The following INPP5D variants were observed in gnomAD, a reference collection of about 807,000 sequenced individuals.
The protein encoded by INPP5D is phosphatidylinositol 3,4,5-trisphosphate 5-phosphatase 1.
A neutral mutation model predicts 122.9 loss-of-function variants in INPP5D; 33 were observed. That is an observed-to-expected ratio of 0.27 (90% CI 0.20 to 0.36). INPP5D has a LOEUF of 0.36. Ranked by LOEUF, INPP5D falls within the 10% of genes least tolerant of loss-of-function variation. The pLI, the probability that INPP5D is intolerant of heterozygous loss-of-function variation, is 1.00. For missense variants in INPP5D, 1,053 were observed against 1,412.7 expected (o/e 0.75, Z 4.08); for synonymous variants, 584 against 576.2 (o/e 1.01, Z -0.19).
chr2:233,108,630 T>A (rs1230055782), intron 2 of INPP5D, among the ~76,000 whole-genome samples: 1 of 152,202 alleles, frequency 6.6e-6, no homozygotes, highest in African/African-American at 2.4e-5. Flanking sequence ...TCAGGCCATC[T>A]TTGTGAGATG....
chr2:233,061,394 A>T (rs1435284050), intron 1 of INPP5D, among the ~76,000 whole-genome samples: 1 of 151,962 alleles, frequency 6.6e-6, no homozygotes, highest in Non-Finnish European at 1.5e-5. Context: ...CTTGCCCTGC[A>T]GCTCTCGGTC....
In INPP5D at chr2:233,184,542, C is replaced by T. The variant is rs71421688; in HGVS notation, c.2275+21C>T. 4.3e-6 allele frequency: 7 copies of T among 1,613,646 alleles called. No homozygotes were observed. In the Admixed American group the frequency reaches 1.0e-4, roughly 23 times the overall value. On this transcript the variant is annotated intron_variant, in intron 20 of 26. Transcript: ENST00000445964. ...GGAGAGTAAGTGGCTGCTGAGCCAC[C>T]TTCTGGGCAGAACTGCCCGGAGCCT... is the stretch of plus-strand genomic sequence containing the variant.
At chr2:233,173,930 A>AC (rs1694555648) in intron 17 of INPP5D, among the ~76,000 whole-genome samples, 1 of 151,484 alleles carries the variant, frequency 6.6e-6, no homozygotes, top group Non-Finnish European at 1.5e-5. Context: ...CGTCTCAAAA[A>AC]AAAAAACAAA....
intron 9 of INPP5D, among the ~76,000 whole-genome samples, chr2:233,148,566 A>G (rs1693833393): frequency 6.6e-6 from 1 of 152,152 alleles, no homozygotes; most frequent in African/African-American, 2.4e-5. Context: ...GTCAGGAGGC[A>G]GGGGGGTAGG....
chr2:233,067,184 C>G (rs924681110), intron 1 of INPP5D, among the ~76,000 whole-genome samples: 2 of 152,184 alleles, frequency 1.3e-5, no homozygotes, highest in African/African-American at 2.4e-5. Context: ...GAAAAGAAAC[C>G]CTGTACCCAC....
chr2:233,200,256 A>T lies in INPP5D; in HGVS notation c.2975+1880A>T, dbSNP rs1178141061. Reference sequence around the variant, plus strand: ...CTCTGGTGCTGCTGGAACAGAGCAGAGCCAACCATGGGTACCTCGTGGATA... The same window carrying T: ...CTCTGGTGCTGCTGGAACAGAGCAGTGCCAACCATGGGTACCTCGTGGATA... On this transcript the variant is annotated intron_variant, in intron 25 of 26. Transcript: ENST00000445964. Among the ~76,000 whole-genome samples the T allele has an allele frequency of 9.2e-5, 14 of 152,236 alleles. No homozygotes were observed. In the East Asian group the frequency reaches 2.7e-3, roughly 29 times the overall value.
intron 2 of INPP5D, among the ~76,000 whole-genome samples, chr2:233,106,162 C>A (rs917843435): frequency 1.3e-5 from 2 of 152,200 alleles, no homozygotes; most frequent in African/African-American, 4.8e-5. Context: ...TGCTGCATAA[C>A]AAACAGCCTC....
intron 13 of INPP5D, among the ~76,000 whole-genome samples, chr2:233,167,162 G>C (rs1342961911): frequency 1.3e-5 from 2 of 149,962 alleles, no homozygotes; most frequent in African/African-American, 4.9e-5. Context: ...CCTGAGACCG[G>C]GAGTTTGAGA....
At chr2:233,110,370 A>AT (rs566536133) in intron 2 of INPP5D, among the ~76,000 whole-genome samples, 12 of 149,384 alleles carry the variant, frequency 8.0e-5, no homozygotes, top group Middle Eastern at 3.5e-3. Context: ...TTTTATTTTT[A>AT]TTTTTTTTTA....
chr2:233,108,541 A>T (rs893018508), intron 2 of INPP5D, among the ~76,000 whole-genome samples: 9 of 152,170 alleles, frequency 5.9e-5, no homozygotes, highest in African/African-American at 1.9e-4. Context: ...TTTAAACGAG[A>T]TGAGGTCTTG....
rs1160357196 is a variant in INPP5D at position 233,137,853 on chromosome 2, AATATATATATATATATATATATATAT to A, written c.666-1969_666-1944del. Among the ~76,000 whole-genome samples the A allele has an allele frequency of 5.8e-4, 16 of 27,730 alleles. 3 individuals carry two copies. In the East Asian group the frequency reaches 0.013, roughly 23 times the overall value. 18.2% of individuals were successfully genotyped at this position (27,730 alleles called of 152,430 possible). On this transcript the variant is annotated intron_variant, in intron 5 of 26. Transcript: ENST00000445964. ...ATCACAAAAAAAAAAAAAAAAAAAAAATATATATATATATATATATATATATATATATATATATATATATACACACA... is the reference window on the plus strand; with the variant it reads ...ATCACAAAAAAAAAAAAAAAAAAAAAATATATATATATATATATACACACA...
intron 2 of INPP5D, among the ~76,000 whole-genome samples, chr2:233,108,918 G>A (rs1014892200): frequency 6.6e-6 from 1 of 152,206 alleles, no homozygotes; most frequent in South Asian, 2.1e-4. Context: ...GCATGGCAGA[G>A]AGGGGACAAC....
intron 2 of INPP5D, among the ~76,000 whole-genome samples, chr2:233,084,612 G>C (rs1002453945): frequency 6.6e-6 from 1 of 152,240 alleles, no homozygotes. Context: ...GCATCCGGGA[G>C]GTGAACGGTT....
intron 6 of INPP5D, among the ~76,000 whole-genome samples, chr2:233,143,366 C>A (rs1159221785): frequency 6.6e-6 from 1 of 152,282 alleles, no homozygotes; most frequent in African/African-American, 2.4e-5. Context: ...GGCGGGGGAC[C>A]TGCAATTGCA....
chr2:233,202,200 GT>G (rs1439736438), intron 25 of INPP5D, among the ~76,000 whole-genome samples: 3 of 152,160 alleles, frequency 2.0e-5, no homozygotes, highest in Non-Finnish European at 4.4e-5. Flanking sequence ...GTGGTCAGAG[GT>G]CAGGACTTCT....
intron 25 of INPP5D, among the ~76,000 whole-genome samples, chr2:233,201,710 C>T (rs989669151): frequency 3.3e-5 from 5 of 152,202 alleles, no homozygotes; most frequent in Non-Finnish European, 7.3e-5. Flanking sequence ...TTCAGTCCTG[C>T]GTAAGCAAGG....
intron 18 of INPP5D, among the ~76,000 whole-genome samples, chr2:233,180,488 C>T (rs1161095772): frequency 6.6e-6 from 1 of 152,158 alleles, no homozygotes; most frequent in African/African-American, 2.4e-5. Flanking sequence ...CTGCCTCACA[C>T]AGCACTGGAC....
chr2:233,170,237 G>C lies in INPP5D; in HGVS notation c.1791+73G>C. 6.4e-7 allele frequency: 1 copy of C among 1,563,548 alleles called. No homozygotes were observed. Among genetic ancestry groups the C allele is most frequent in the Non-Finnish European group, 8.7e-7 (1 of 1,153,242 alleles). On this transcript the variant is annotated intron_variant, in intron 15 of 26. Coordinates refer to ENST00000445964, the MANE Select transcript of INPP5D (RefSeq NM_001017915.3). This position sits in a 1 kb window ranked among gnomAD's most constrained non-coding sequence, Gnocchi z 4.5. ...GGCTCCCTTGAGTCAGCTTGGGGCA[G>C]GTGGTCGTGGAGACATGTGAATCAA... is the stretch of plus-strand genomic sequence containing the variant.
intron 2 of INPP5D, among the ~76,000 whole-genome samples, chr2:233,117,564 G>A (rs1692838205): frequency 6.6e-6 from 1 of 152,144 alleles, no homozygotes; most frequent in African/African-American, 2.4e-5. Context: ...CCCCCTCTGG[G>A]TTCCAGCACC....
Sources: gnomAD v4.1 joint callset for allele counts (sites outside exome capture counted in the v4.1 genomes callset) on GRCh38, gnomAD v4.1.1 for gene constraint, Gnocchi (gnomAD v3.1) non-coding constraint, MANE v1.5 for transcripts, NCBI Gene and HGNC (gene_info 2026-07-23, HGNC 2026-07-21) for gene names.